CBL: variants seen among roughly 807,000 people sequenced by gnomAD.
The protein encoded by CBL is E3 ubiquitin-protein ligase CBL.
Under a neutral mutation model 96.9 loss-of-function variants are expected in CBL, and 45 were observed. The ratio of observed to expected loss-of-function variants is 0.46; its 90% CI spans 0.37 to 0.60. The LOEUF (loss-of-function observed/expected upper bound fraction) is 0.60. Among genes scored for constraint, CBL ranks in the 20% least tolerant of loss-of-function variants. The probability of loss-of-function intolerance (pLI) is 0.00; values close to 1 mark genes in which losing one functional copy is unlikely to be tolerated. For synonymous variants in CBL, 420 were observed against 426.8 expected (o/e 0.98, Z 0.20); for missense variants, 1,024 against 1,143.5 (o/e 0.90, Z 1.51).
At position 119,212,566 on chromosome 11, in the gene CBL, C is replaced by T. The variant is rs562887669; in HGVS notation, c.195+5954C>T. 6.6e-5 allele frequency among the ~76,000 whole-genome samples: 10 copies of T among 151,842 alleles called. No homozygotes were observed. The South Asian group carries it at 8.3e-4, about 13-fold the overall frequency. The stretch of plus-strand genomic sequence containing the variant: ...CCTTGAACCCGGGAAGCGGAGGCTG[C>T]GGTGAGCCGAGATCGCACCATTGCA... On this transcript the variant is annotated intron_variant, in intron 1 of 15. Coordinates refer to ENST00000264033, the MANE Select transcript of CBL (RefSeq NM_005188.4).
chr11:119,271,645 T>C lies in CBL; in HGVS notation c.444-90T>C, dbSNP rs527497667. On this transcript the variant is annotated intron_variant, in intron 2 of 15. Transcript: ENST00000264033. ...CTTTCTAAATGTATTTTAATATTCATGTTAATTATACATCTTGTATGGTGA... is the reference window on the plus strand; with the variant it reads ...CTTTCTAAATGTATTTTAATATTCACGTTAATTATACATCTTGTATGGTGA... The C allele has an allele frequency of 6.1e-5, 64 of 1,043,198 alleles. No individual in the cohort carries two copies. The South Asian group carries it at 8.0e-4, about 13-fold the overall frequency. The allele number at this position is 1,043,198 out of a possible 1,614,324, so 64.6% of individuals were successfully genotyped here. A position where few individuals can be genotyped will look rare whatever the true frequency, so the allele number is the denominator to read the frequency against.
intron 2 of CBL, among the ~76,000 whole-genome samples, chr11:119,246,410 G>A (rs909082330): frequency 7.9e-5 from 12 of 152,196 alleles, no homozygotes; most frequent in African/African-American, 2.6e-4. Context: ...TAGTTGGAAA[G>A]GGGGAGGGGT....
intron 2 of CBL, among the ~76,000 whole-genome samples, chr11:119,253,126 A>G (rs1592387495): frequency 6.6e-6 from 1 of 152,220 alleles, no homozygotes; most frequent in East Asian, 1.9e-4. Flanking sequence ...TTAAAAACTC[A>G]GATTTCTCAT....
chr11:119,297,094 C>A, intron 13 of CBL, 60 bp downstream of exon 13: 1 of 890,838 alleles, frequency 1.1e-6, no homozygotes, highest in Non-Finnish European at 1.9e-6. Context: ...TGACACCCTT[C>A]ACCTGCTTGG....
intron 12 of CBL, among the ~76,000 whole-genome samples, chr11:119,288,617 C>T (rs1228873457): frequency 6.6e-6 from 1 of 152,124 alleles, no homozygotes; most frequent in Non-Finnish European, 1.5e-5. Flanking sequence ...ATACAGCCAC[C>T]CCTCAGTATA....
At chr11:119,294,310 T>C (rs554233711) in intron 12 of CBL, among the ~76,000 whole-genome samples, 1 of 151,570 alleles carries the variant, frequency 6.6e-6, no homozygotes, top group South Asian at 2.1e-4. Flanking sequence ...GTGCCTGTAC[T>C]CCCAGCTACT....
chr11:119,289,519 CCTCTGTAT>C (rs1950009395), intron 12 of CBL: 1 of 151,458 alleles, frequency 6.6e-6, no homozygotes, highest in Non-Finnish European at 1.5e-5. Context: ...ATTTGCATAA[CCTCTGTAT>C]TATACCATTT....
In CBL at chr11:119,278,281, G is replaced by T. The variant is rs192712314; in HGVS notation, c.1211G>T (p.Cys404Phe). 1 of 1,614,018 alleles carries T rather than the reference G, an allele frequency of 6.2e-7. No individual in the cohort carries two copies. Among genetic ancestry groups the T allele is most frequent in the Non-Finnish European group, 8.5e-7 (1 of 1,179,946 alleles). ...TGTGGACACCTCATGTGCACATCCT[G>T]TCTTACATCCTGGCAGGTACGGATC... Reference protein sequence around the residue: ...EPCGHLMCTSCLTSWQESEGQ... With the variant: ...EPCGHLMCTSFLTSWQESEGQ... Residue 404 changes from cysteine to phenylalanine, a missense_variant, in exon 8 of 16, where the codon TGT becomes TTT. Cys to Phe is a radical substitution (Grantham distance 205). Coordinates refer to ENST00000264033, the MANE Select transcript of CBL (RefSeq NM_005188.4).
intron 1 of CBL, among the ~76,000 whole-genome samples, chr11:119,228,303 G>A (rs1052456166): frequency 6.6e-6 from 1 of 151,916 alleles, no homozygotes; most frequent in East Asian, 1.9e-4. Context: ...TGTAGAGATG[G>A]GGTTTTGCAA....
At chr11:119,224,190 A>T (rs1307996100) in intron 1 of CBL, among the ~76,000 whole-genome samples, 1 of 152,228 alleles carries the variant, frequency 6.6e-6, no homozygotes, top group Non-Finnish European at 1.5e-5. Flanking sequence ...ATACTAATTC[A>T]TGAAATGTTT....
Position 119,299,591 on chromosome 11 carries a change from G to C in CBL, c.2531G>C (p.Ser844Thr), listed in dbSNP as rs1288047359. Residue 844 changes from serine (S) to threonine (T), a missense_variant, in exon 16 of 16, where the codon AGT becomes ACT. Physicochemically the swap from Ser to Thr is moderately conservative, Grantham distance 58. Coordinates refer to ENST00000264033, the MANE Select transcript of CBL (RefSeq NM_005188.4). ...AAAGCTGGCAGCTGTCAGCAAGGTAGTGGTCCTGCCGCCTCTGCTGCCACC... is the reference window on the plus strand; with the variant it reads ...AAAGCTGGCAGCTGTCAGCAAGGTACTGGTCCTGCCGCCTCTGCTGCCACC... ...ERKAGSCQQG[S>T]GPAASAATAS... 3 of 1,614,186 alleles carry C rather than the reference G, an allele frequency of 1.9e-6. No homozygotes were observed. The highest frequency in any genetic ancestry group is 2.5e-6 in the Non-Finnish European group (3 of 1,180,024).
intron 9 of CBL, among the ~76,000 whole-genome samples, chr11:119,281,715 T>G (rs1363156012): frequency 6.6e-6 from 1 of 152,018 alleles, no homozygotes; most frequent in Non-Finnish European, 1.5e-5. Context: ...GCCAGGATGG[T>G]CTTGATCTCC....
In CBL at chr11:119,303,223, A is replaced by G. The variant is rs1950113525; in HGVS notation, c.*3442A>G. ...TGGTGATAAAGCAGAATATTCTCCT[A>G]CCTCACGTCATTAAAGTCAGAAGAT... On this transcript the variant is annotated 3_prime_UTR_variant, in exon 16 of 16. Transcript: ENST00000264033. 4.3e-6 allele frequency: 1 copy of G among 231,686 alleles called. No homozygotes were observed. The highest frequency in any genetic ancestry group is 8.6e-6 in the Non-Finnish European group (1 of 116,888). 14.4% of individuals were successfully genotyped at this position (231,686 alleles called of 1,614,324 possible).
intron 1 of CBL, among the ~76,000 whole-genome samples, chr11:119,220,578 G>A (rs759675106): frequency 1.3e-5 from 2 of 152,116 alleles, no homozygotes; most frequent in Non-Finnish European, 2.9e-5. Flanking sequence ...CAATGTGGGC[G>A]ACAGAGTGAG....
chr11:119,214,354 A>G (rs939802595), intron 1 of CBL, among the ~76,000 whole-genome samples: 2 of 152,006 alleles, frequency 1.3e-5, no homozygotes, highest in Non-Finnish European at 2.9e-5. Context: ...GGTTCAAGCA[A>G]TTCTAGTGCC....
chr11:119,277,477 A>T (rs771132359), intron 6 of CBL, among the ~76,000 whole-genome samples: 1 of 152,228 alleles, frequency 6.6e-6, no homozygotes, highest in Non-Finnish European at 1.5e-5. Flanking sequence ...TTTACAGAAA[A>T]GCTTGCTAAC....
chr11:119,216,564 G>T (rs1363438393), intron 1 of CBL, among the ~76,000 whole-genome samples: 1 of 151,840 alleles, frequency 6.6e-6, no homozygotes, highest in Non-Finnish European at 1.5e-5. Context: ...TAGAGATGGG[G>T]TTTCACCATG....
intron 3 of CBL, among the ~76,000 whole-genome samples, chr11:119,272,196 A>G (rs1000142047): frequency 6.6e-6 from 1 of 152,076 alleles, no homozygotes; most frequent in African/African-American, 2.4e-5. Context: ...ATCTCCACTT[A>G]CTGCAAGCTC....
At position 119,307,783 on chromosome 11, in the gene CBL, C is replaced by T. The variant is rs1950158682; in HGVS notation, c.*8002C>T. ...GATGCTTTCTCCAGAATGAAGAGTC[C>T]CAATTTGTATATCAGTGTTAAGAAG... is the stretch of plus-strand genomic sequence containing the variant. On this transcript the variant is annotated 3_prime_UTR_variant, in exon 16 of 16. Transcript: ENST00000264033. The T allele has an allele frequency of 1.8e-5, 4 of 216,398 alleles. No homozygotes were observed. Among genetic ancestry groups the T allele is most frequent in the Non-Finnish European group, 2.8e-5 (3 of 107,356 alleles). The allele number at this position is 216,398 out of a possible 1,614,324, so 13.4% of individuals were successfully genotyped here.
Sources: allele counts gnomAD v4.1 joint callset (sites outside exome capture counted in the v4.1 genomes callset), GRCh38; gene constraint gnomAD v4.1.1; transcripts MANE v1.5; gene names NCBI Gene and HGNC (gene_info 2026-07-23, HGNC 2026-07-21).